The following MSI2 variants were observed in gnomAD, a reference collection of about 807,000 sequenced individuals.
The protein encoded by MSI2 is musashi RNA binding protein 2.
A neutral mutation model predicts 45.6 loss-of-function variants in MSI2; 17 were observed. The ratio of observed to expected loss-of-function variants is 0.37; its 90% CI spans 0.26 to 0.56. The LOEUF (loss-of-function observed/expected upper bound fraction) is 0.56, where lower values mean the gene tolerates loss of function less well. Ranked by LOEUF, MSI2 falls within the 20% of genes least tolerant of loss-of-function variation. The probability of loss-of-function intolerance (pLI) is 0.77; values close to 1 mark genes in which losing one functional copy is unlikely to be tolerated. For missense variants in MSI2, 293 were observed against 444.2 expected (o/e 0.66, Z 3.06); for synonymous variants, 156 against 158.2 (o/e 0.99, Z 0.11).
chr17:57,567,044 G>A lies in MSI2; in HGVS notation c.455-29824G>A, dbSNP rs552617216. 4.8e-4 allele frequency among the ~76,000 whole-genome samples: 73 copies of A among 152,340 alleles called. No individual in the cohort carries two copies. In the Middle Eastern group the frequency reaches 0.02, roughly 43 times the overall value. ...TGCTTCCATGTAGCAGGGAGCTTGG[G>A]AGGTTTGGGGGACAAATGCTCGTTC... On this transcript the variant is annotated intron_variant, in intron 7 of 13. Coordinates refer to ENST00000284073, the MANE Select transcript of MSI2 (RefSeq NM_138962.4).
At chr17:57,294,608 A>G (rs1267274147) in intron 5 of MSI2, 1 of 152,308 alleles carries the variant, frequency 6.6e-6, no homozygotes, top group Non-Finnish European at 1.5e-5. Context: ...TGCTGGACCA[A>G]TGTGGTTCTC....
At chr17:57,615,504 AAG>A (rs1293697512) in intron 8 of MSI2, among the ~76,000 whole-genome samples, 2 of 152,186 alleles carry the variant, frequency 1.3e-5, no homozygotes, top group African/African-American at 4.8e-5. Context: ...TCTGTTTAAT[AAG>A]AGTTTGAATC....
chr17:57,256,079 G>C (rs950101861), upstream of MSI2: 1 of 152,338 alleles, frequency 6.6e-6, no homozygotes, highest in Non-Finnish European at 1.5e-5. Context: ...CCCGGATCTC[G>C]GCGGCAGGGG....
intron 11 of MSI2, among the ~76,000 whole-genome samples, chr17:57,668,721 G>A (rs1055092044): frequency 6.6e-6 from 1 of 152,160 alleles, no homozygotes; most frequent in Non-Finnish European, 1.5e-5. Flanking sequence ...GTACCTCTCA[G>A]TAATATATCT....
chr17:57,428,103 T>C (rs781320962), intron 6 of MSI2, among the ~76,000 whole-genome samples: 33 of 152,226 alleles, frequency 2.2e-4, no homozygotes, highest in Non-Finnish European at 4.4e-4. Context: ...TGCTTTGATA[T>C]ACATGTTAGT....
At chr17:57,256,970 TC>T in intron 1 of MSI2, 127 bp from the exon 2 acceptor site, 2 of 1,447,936 alleles carry the variant, frequency 1.4e-6, no homozygotes, top group Non-Finnish European at 1.9e-6. Context: ...CGTCACCTTC[TC>T]CCCCACCCCA....
At chr17:57,533,586 A>G (rs367956928) in intron 7 of MSI2, among the ~76,000 whole-genome samples, 1 of 152,168 alleles carries the variant, frequency 6.6e-6, no homozygotes, top group Admixed American at 6.5e-5. Context: ...TGTTTTTGTG[A>G]CTAGGGGAGG....
chr17:57,412,235 G>A (rs1015063592), intron 6 of MSI2, among the ~76,000 whole-genome samples: 23 of 151,774 alleles, frequency 1.5e-4, no homozygotes, highest in African/African-American at 9.7e-5. Flanking sequence ...ACAGGGTTTC[G>A]CCATGTTAGC....
At chr17:57,648,520 C>A (rs1169168852) in intron 10 of MSI2, among the ~76,000 whole-genome samples, 4 of 152,130 alleles carry the variant, frequency 2.6e-5, no homozygotes, top group Non-Finnish European at 5.9e-5. Flanking sequence ...GTTTGCTGTG[C>A]TGCCCTGCCT....
At chr17:57,363,529 G>C (rs1255707351) in intron 5 of MSI2, among the ~76,000 whole-genome samples, 1 of 152,206 alleles carries the variant, frequency 6.6e-6, no homozygotes, top group East Asian at 1.9e-4. Flanking sequence ...CTTGAGGTCA[G>C]GAGTTCGAGA....
chr17:57,358,946 T>G (rs561882194), intron 5 of MSI2, among the ~76,000 whole-genome samples: 1 of 152,124 alleles, frequency 6.6e-6, no homozygotes, highest in African/African-American at 2.4e-5. Flanking sequence ...CCTTATACTT[T>G]GCGATTGGTT....
At chr17:57,567,880 T>G (rs138402720) in intron 7 of MSI2, among the ~76,000 whole-genome samples, 1,612 of 152,328 alleles carry the variant, frequency 0.011, 32 homozygotes, top group African/African-American at 0.037. Context: ...CTTAAGCACC[T>G]TGCTCTGCAC....
At chr17:57,356,456 A>G (rs908831930) in intron 5 of MSI2, among the ~76,000 whole-genome samples, 3 of 152,186 alleles carry the variant, frequency 2.0e-5, no homozygotes, top group African/African-American at 7.2e-5. Context: ...CGACATAGAC[A>G]TCATTTTAGA....
chr17:57,568,549 T>G (rs1389712133), intron 7 of MSI2, among the ~76,000 whole-genome samples: 1 of 152,186 alleles, frequency 6.6e-6, no homozygotes, highest in African/African-American at 2.4e-5. Context: ...ATCACTCTGA[T>G]TCTAGAACTT....
chr17:57,413,402 G>A (rs1051804117), intron 6 of MSI2, among the ~76,000 whole-genome samples: 5 of 149,882 alleles, frequency 3.3e-5, no homozygotes, highest in Non-Finnish European at 5.9e-5. Flanking sequence ...CTGACTTGCC[G>A]GTTGCCCTGG....
At chr17:57,387,183 C>T (rs953104636) in intron 5 of MSI2, among the ~76,000 whole-genome samples, 2 of 152,028 alleles carry the variant, frequency 1.3e-5, no homozygotes, top group African/African-American at 4.8e-5. Flanking sequence ...TTTTCTTTTT[C>T]ATTGTTTGGT....
chr17:57,268,424 A>G (rs67738253), intron 5 of MSI2: 4,505 of 152,130 alleles, frequency 0.03, 83 homozygotes, highest in Non-Finnish European at 0.035. Flanking sequence ...GAAATTATTT[A>G]CCAAGTTTCT....
At chr17:57,597,490 A>AAAAAAAG (rs1905367776) in intron 8 of MSI2, among the ~76,000 whole-genome samples, 1 of 146,116 alleles carries the variant, frequency 6.8e-6, no homozygotes, top group Non-Finnish European at 1.5e-5. Flanking sequence ...AAAAAAAAAA[A>AAAAAAAG]TTAGCTGGGT....
chr17:57,637,913 C>A (rs12603346), intron 10 of MSI2, among the ~76,000 whole-genome samples: 25,890 of 152,176 alleles, frequency 0.17, 2,300 homozygotes, highest in East Asian at 0.25. Context: ...CCTCCACTCC[C>A]CACCTGCTTA....
Sources: allele counts gnomAD v4.1 joint callset (sites outside exome capture counted in the v4.1 genomes callset), GRCh38; gene constraint gnomAD v4.1.1; transcripts MANE v1.5; gene names NCBI Gene and HGNC (gene_info 2026-07-23, HGNC 2026-07-21).